Variants in NRAP observed in about 807,000 individuals in gnomAD.
NRAP encodes the protein nebulin-related-anchoring protein.
A neutral mutation model predicts 225.9 loss-of-function variants in NRAP; 189 were observed. The observed-to-expected ratio is 0.84, with a 90% CI of 0.74 to 0.94. The LOEUF is 0.94. Among genes scored for constraint, NRAP ranks in the 40% least tolerant of loss-of-function variants. The pLI is 0.00. For synonymous variants in NRAP, 769 were observed against 790.7 expected (o/e 0.97, Z 0.46); for missense variants, 2,176 against 2,168.7 (o/e 1.00, Z -0.07).
intron 12 of NRAP, among the ~76,000 whole-genome samples, chr10:113,642,125 C>A (rs114622298): frequency 1.3e-5 from 2 of 152,156 alleles, no homozygotes; most frequent in African/African-American, 4.8e-5. Context: ...AAACAGAATA[C>A]TACTTATGAC....
chr10:113,654,256 T>G, intron 4 of NRAP, 131 bp from the exon 5 acceptor site: 1 of 591,782 alleles, frequency 1.7e-6, no homozygotes. Flanking sequence ...CTCAGCTAAC[T>G]GAAATGTTCA....
At chr10:113,659,424 A>G (rs574001931) in intron 3 of NRAP, among the ~76,000 whole-genome samples, 2 of 152,194 alleles carry the variant, frequency 1.3e-5, no homozygotes, top group African/African-American at 2.4e-5. Flanking sequence ...AATGTACTTT[A>G]GGAATCAGAA....
At chr10:113,631,703 GA>G in intron 17 of NRAP, 93 bp from the exon 18 acceptor site, 1 of 933,692 alleles carries the variant, frequency 1.1e-6, no homozygotes, top group Non-Finnish European at 1.7e-6. Flanking sequence ...GAACAATTCT[GA>G]AAAAACACCT....
intron 30 of NRAP, among the ~76,000 whole-genome samples, chr10:113,611,993 G>T (rs866461644): frequency 6.6e-5 from 10 of 152,328 alleles, no homozygotes; most frequent in Middle Eastern, 3.4e-3. Flanking sequence ...GGCTGATTGT[G>T]AGATAATGCA....
chr10:113,606,815 C>T (rs11196394), intron 32 of NRAP, among the ~76,000 whole-genome samples: 2 of 152,194 alleles, frequency 1.3e-5, no homozygotes, highest in African/African-American at 4.8e-5. Context: ...TGCCTATAAT[C>T]TCAGCACTTT....
chr10:113,613,997 G>A lies in NRAP; in HGVS notation c.3300+186C>T, dbSNP rs368398773. On this transcript the variant is annotated intron_variant, in intron 29 of 41. Coordinates refer to ENST00000359988, the MANE Select transcript of NRAP (RefSeq NM_198060.4). ...AGGGAACTAAGGGGTCAACCAGTCC[G>A]GCACCTCATTTTTACAGAGGAGGAA... Among the ~76,000 whole-genome samples the A allele has an allele frequency of 4.6e-5, 7 of 152,232 alleles. No homozygotes were observed. In the South Asian group the frequency reaches 1.5e-3, roughly 32 times the overall value.
chr10:113,658,877 G>A (rs1249565285), intron 3 of NRAP, among the ~76,000 whole-genome samples: 3 of 125,312 alleles, frequency 2.4e-5, no homozygotes, highest in Non-Finnish European at 4.8e-5. Context: ...GTGAGACCCT[G>A]TCTCAAAAAA....
chr10:113,655,551 G>A (rs1023276864), intron 4 of NRAP, among the ~76,000 whole-genome samples: 3 of 151,690 alleles, frequency 2.0e-5, no homozygotes, highest in Non-Finnish European at 4.4e-5. Flanking sequence ...CGCCTCCTGG[G>A]TTCAAGCAAT....
Position 113,663,354 on chromosome 10 carries a change from G to A in NRAP, c.165C>T (p.His55=), listed in dbSNP as rs368568446. ...FVSHQKKPYC[H]AHNPKNNTFT... is the part of the protein sequence containing the mutation. Reference sequence around the variant, plus strand: ...TGGTGGGGGCATCAAACACTTACGCGTGACAGTACGGCTTTTTCTGGTGAC... The same window carrying A: ...TGGTGGGGGCATCAAACACTTACGCATGACAGTACGGCTTTTTCTGGTGAC... The change falls in exon 2 of 42, where the codon CAC becomes CAT. Residue 55 remains histidine (H), a splice_region_variant and synonymous_variant. Transcript: ENST00000359988. 40 of 1,594,372 alleles carry A rather than the reference G, an allele frequency of 2.5e-5. No individual in the cohort carries two copies. The highest frequency in any genetic ancestry group is 6.7e-5 in the Admixed American group (4 of 59,956).
At chr10:113,601,080 C>T (rs1337099600) in intron 35 of NRAP, among the ~76,000 whole-genome samples, 1 of 152,214 alleles carries the variant, frequency 6.6e-6, no homozygotes, top group Non-Finnish European at 1.5e-5. Context: ...CAACAGCCGA[C>T]TTGAGAAGCA....
At position 113,633,145 on chromosome 10, in the gene NRAP, G is replaced by T; in HGVS notation, c.1571C>A (p.Thr524Lys). 1 of 1,609,532 alleles carries T rather than the reference G, an allele frequency of 6.2e-7. No individual in the cohort carries two copies. The highest frequency in any genetic ancestry group is 8.5e-7 in the Non-Finnish European group (1 of 1,175,788). The change falls in exon 16 of 42, where the codon ACA becomes AAA. Residue 524 changes from threonine to lysine, a missense_variant. By Grantham distance (78) the Thr-to-Lys change is moderately conservative. Transcript: ENST00000359988. The stretch of plus-strand genomic sequence containing the variant: ...CAGCTGAGGAACATCCTGGGGCAAT[G>T]TGTAATTCAACTTATTTTTCTCATA... ...ADYEKNKLNY[T>K]LPQDVPQLVK...
chr10:113,641,540 T>C, intron 12 of NRAP, 68 bp from the exon 13 acceptor site: 2 of 870,444 alleles, frequency 2.3e-6, no homozygotes, highest in Admixed American at 1.8e-5. Context: ...AAACTACTCA[T>C]CTTAATGCAT....
intron 3 of NRAP, 99 bp downstream of exon 3, chr10:113,662,580 G>C: frequency 2.7e-6 from 2 of 753,684 alleles, no homozygotes; most frequent in African/African-American, 1.8e-5. Context: ...GAGCCACTGT[G>C]CCTGGCTAGA....
At position 113,595,612 on chromosome 10, in the gene NRAP, A is replaced by C. The variant is rs1020660729; in HGVS notation, c.4536+11T>G. ...GTGGGCACACGTTCCATGAACCACC[A>C]GTTCACTTACGTCACTCAGATGCAG... On this transcript the variant is annotated intron_variant, in intron 38 of 41. Transcript: ENST00000359988. 9 of 1,544,264 alleles carry C rather than the reference A, an allele frequency of 5.8e-6. No homozygotes were observed. The South Asian group carries it at 1.0e-4, about 17-fold the overall frequency.
intron 29 of NRAP, 141 bp from the exon 30 acceptor site, chr10:113,612,572 G>A: frequency 3.0e-6 from 2 of 662,316 alleles, no homozygotes; most frequent in Non-Finnish European, 5.2e-6. Context: ...CTTTCTTGCA[G>A]AGACTGGCCT....
intron 30 of NRAP, 54 bp downstream of exon 30, chr10:113,612,179 AC>A: frequency 6.8e-7 from 1 of 1,460,614 alleles, no homozygotes; most frequent in East Asian, 2.3e-5. Context: ...GGAGGTCACC[AC>A]CCTGAGGTCC....
rs1313647031 is a variant in NRAP at position 113,604,547 on chromosome 10, C to G, written c.4227+62G>C. On this transcript the variant is annotated intron_variant, in intron 35 of 41. Transcript: ENST00000359988. ...ACTAAGGAAGAAGCAGAGATTGACA[C>G]CCGGGTTTGGTGAAAGGAGAAAGGC... is the stretch of plus-strand genomic sequence containing the variant. 4 of 1,473,668 alleles carry G rather than the reference C, an allele frequency of 2.7e-6. No homozygotes were observed. The African/African-American group carries it at 4.2e-5, about 15-fold the overall frequency. The allele number at this position is 1,473,668 out of a possible 1,614,324, so 91.3% of individuals were successfully genotyped here.
At chr10:113,655,415 CCTGT>C (rs1189898472) in intron 4 of NRAP, among the ~76,000 whole-genome samples, 9 of 151,552 alleles carry the variant, frequency 5.9e-5, no homozygotes, top group East Asian at 1.9e-4. Context: ...TTGGAATAAT[CCTGT>C]CTATCAATAG....
intron 5 of NRAP, 49 bp downstream of exon 5, chr10:113,653,972 G>T: frequency 1.9e-6 from 2 of 1,071,742 alleles, no homozygotes; most frequent in Non-Finnish European, 1.5e-6. Flanking sequence ...CAAACTAATT[G>T]CTAAGTAATT....
Sources: gnomAD v4.1 joint callset for allele counts (sites outside exome capture counted in the v4.1 genomes callset) on GRCh38, gnomAD v4.1.1 for gene constraint, MANE v1.5 for transcripts, NCBI Gene and HGNC (gene_info 2026-07-23, HGNC 2026-07-21) for gene names.